Variants in MYH15 observed in about 807,000 individuals in gnomAD.
MYH15 encodes myosin-15.
In MYH15, 227 loss-of-function variants were observed where a neutral mutation model predicts 240.5. That is an observed-to-expected ratio of 0.94 (90% confidence interval 0.85 to 1.05). The LOEUF (loss-of-function observed/expected upper bound fraction) is 1.05. Ranked by LOEUF, MYH15 falls within the 50% of genes least tolerant of loss-of-function variation. MYH15 has a pLI of 0.00. For missense variants in MYH15, 2,217 were observed against 2,247.5 expected (o/e 0.99, Z 0.27); for synonymous variants, 785 against 796.7 (o/e 0.99, Z 0.25).
At chr3:108,526,240 GA>G (rs1310917710) in intron 1 of MYH15, among the ~76,000 whole-genome samples, 1 of 152,136 alleles carries the variant, frequency 6.6e-6, no homozygotes, top group African/African-American at 2.4e-5. Context: ...ACATTAAAAT[GA>G]CAACTTATGC....
At chr3:108,509,444 T>A (rs1165681897) in intron 1 of MYH15, among the ~76,000 whole-genome samples, 1 of 152,210 alleles carries the variant, frequency 6.6e-6, no homozygotes, top group Non-Finnish European at 1.5e-5. Flanking sequence ...GTTATCGTAT[T>A]TGATTTGATG....
intron 1 of MYH15, among the ~76,000 whole-genome samples, chr3:108,527,014 C>T (rs1559677834): frequency 6.6e-6 from 1 of 152,162 alleles, no homozygotes; most frequent in Non-Finnish European, 1.5e-5. Flanking sequence ...AAAAAGTTTT[C>T]TGCTTTCAGT....
intron 40 of MYH15, among the ~76,000 whole-genome samples, chr3:108,381,807 AGC>A (rs1182082732): frequency 3.3e-5 from 5 of 152,210 alleles, no homozygotes; most frequent in African/African-American, 7.2e-5. Flanking sequence ...CAATGAAGGC[AGC>A]GCCCCCCTTT....
Position 108,486,414 on chromosome 3 carries a change from A to T in MYH15, c.975+9T>A. On this transcript the variant is annotated intron_variant, in intron 10 of 40. Coordinates refer to ENST00000693548, the MANE Select transcript of MYH15 (RefSeq NM_014981.3). ...ACCAGATTTTGCTTTGACAACTAAC[A>T]AGCCTTACTTCTGTGGCCAGCAATT... 6.3e-7 allele frequency: 1 copy of T among 1,599,340 alleles called. No homozygotes were observed. Among genetic ancestry groups the T allele is most frequent in the Admixed American group, 1.7e-5 (1 of 59,814 alleles).
chr3:108,474,161 G>A (rs967286490), intron 12 of MYH15, among the ~76,000 whole-genome samples: 1 of 151,744 alleles, frequency 6.6e-6, no homozygotes, highest in African/African-American at 2.4e-5. Flanking sequence ...CATCAACAGA[G>A]CATACATGTC....
At position 108,493,095 on chromosome 3, in the gene MYH15, C is replaced by T. The variant is rs761371876; in HGVS notation, c.775+19G>A. 6.8e-6 allele frequency: 11 copies of T among 1,606,736 alleles called. No individual in the cohort carries two copies. Among genetic ancestry groups the T allele is most frequent in the Admixed American group, 1.7e-5 (1 of 59,900 alleles). On this transcript the variant is annotated intron_variant, in intron 8 of 40. Transcript: ENST00000693548. ...GGAAGAAAAGAAAAAAGTAATCAGA[C>T]AGTGCAATGACTACTTACAGATATC...
In MYH15 at chr3:108,414,430, T is replaced by C. The variant is rs200849354; in HGVS notation, c.3949-2A>G. The C allele has an allele frequency of 7.2e-5, 116 of 1,611,538 alleles. No homozygotes were observed. Among genetic ancestry groups the C allele is most frequent in the Non-Finnish European group, 8.9e-5 (105 of 1,178,616 alleles). On this transcript the variant is annotated splice_acceptor_variant, in intron 29 of 40. Transcript: ENST00000693548. LOFTEE classifies it high-confidence loss of function. Reference sequence around the variant, plus strand: ...GGCATGGGCCAGGGCACTCTGGGACTGTAGGGGACACACATTAACAAAAAG... The same window carrying C: ...GGCATGGGCCAGGGCACTCTGGGACCGTAGGGGACACACATTAACAAAAAG...
Position 108,405,441 on chromosome 3 carries a change from G to A in MYH15, c.4633C>T (p.Arg1545Cys), listed in dbSNP as rs200741935. Residue 1545 changes from arginine to cysteine, a missense_variant, in exon 33 of 41, where the codon CGT becomes TGT. Arg to Cys is a radical substitution (Grantham distance 180). Coordinates refer to ENST00000693548, the MANE Select transcript of MYH15 (RefSeq NM_014981.3). ...TLEETEGALE[R>C]NESKILHFQL... ...AAATGAAGAATCTTGCTTTCATTAC[G>A]TTCCAGGGCTCCCTGGAATACATAA... 8.1e-5 allele frequency: 123 copies of A among 1,511,514 alleles called. No homozygotes were observed. The highest frequency in any genetic ancestry group is 6.4e-4 in the East Asian group (28 of 43,446). 93.6% of individuals were successfully genotyped at this position (1,511,514 alleles called of 1,614,324 possible).
At chr3:108,406,676 C>G (rs191121167) in intron 32 of MYH15, among the ~76,000 whole-genome samples, 1 of 152,098 alleles carries the variant, frequency 6.6e-6, no homozygotes. Flanking sequence ...AAATAAATAA[C>G]GCAATGTTAC....
At chr3:108,478,177 T>G (rs2083236596) in intron 11 of MYH15, among the ~76,000 whole-genome samples, 1 of 152,156 alleles carries the variant, frequency 6.6e-6, no homozygotes, top group African/African-American at 2.4e-5. Context: ...GAGAGCTCTA[T>G]CTCGTCTGTA....
intron 32 of MYH15, among the ~76,000 whole-genome samples, chr3:108,407,688 C>T (rs181936752): frequency 1.6e-4 from 24 of 152,168 alleles, no homozygotes; most frequent in Admixed American, 9.8e-4. Context: ...CTGAAACTAC[C>T]GAAAGTTTTT....
intron 11 of MYH15, among the ~76,000 whole-genome samples, chr3:108,484,089 A>G (rs923907712): frequency 6.6e-5 from 10 of 152,212 alleles, no homozygotes; most frequent in Admixed American, 5.9e-4. Flanking sequence ...TGTATGTTAT[A>G]TATATTTTAT....
At chr3:108,532,693 T>A (rs1205997585), upstream of MYH15, among the ~76,000 whole-genome samples, 1 of 152,186 alleles carries the variant, frequency 6.6e-6, no homozygotes, top group African/African-American at 2.4e-5. Flanking sequence ...GACTAATATG[T>A]CATCTTAGAA....
chr3:108,417,086 G>A (rs562298509), intron 28 of MYH15, among the ~76,000 whole-genome samples, 156 bp from the exon 29 acceptor site: 11 of 152,248 alleles, frequency 7.2e-5, no homozygotes, highest in South Asian at 2.1e-4. Flanking sequence ...CAGCAAAACC[G>A]TGGCAATGAT....
chr3:108,456,459 T>C (rs944565735), intron 19 of MYH15, among the ~76,000 whole-genome samples: 3 of 152,194 alleles, frequency 2.0e-5, no homozygotes, highest in African/African-American at 7.2e-5. Flanking sequence ...CAGCTACGAT[T>C]AAGTATACAC....
chr3:108,505,824 T>C lies in MYH15; in HGVS notation c.94A>G (p.Lys32Glu). ...LLQATALDGK[K>E]KCWIPDGENA... Reference sequence around the variant, plus strand: ...TCACCATCAGGAATCCAGCATTTCTTCTTCCCTGTAGAGCAAAAAAAAAAA... The same window carrying C: ...TCACCATCAGGAATCCAGCATTTCTCCTTCCCTGTAGAGCAAAAAAAAAAA... Residue 32 changes from lysine to glutamate, a missense_variant, in exon 2 of 41, where the codon AAG becomes GAG. Physicochemically the swap from Lys to Glu is moderately conservative, Grantham distance 56. Transcript: ENST00000693548. 1 of 1,604,584 alleles carries C rather than the reference T, an allele frequency of 6.2e-7. No individual in the cohort carries two copies. The highest frequency in any genetic ancestry group is 8.5e-7 in the Non-Finnish European group (1 of 1,175,792).
rs766477573 is a variant in MYH15, at chr3:108,439,810, T to C, written c.3002A>G (p.Asp1001Gly). Residue 1001 changes from aspartate (D) to glycine (G), a missense_variant, in exon 24 of 41, where the codon GAC becomes GGC. Transcript: ENST00000693548. Reference sequence around the variant, plus strand: ...GAGCTTCTCCTCCTCCATGTGCAGGTCATCCAGGGTCTGCTGATGGGCCTC... The same window carrying C: ...GAGCTTCTCCTCCTCCATGTGCAGGCCATCCAGGGTCTGCTGATGGGCCTC... ...VQEAHQQTLDDLHMEEEKLSS... is the reference protein window; with the variant it reads ...VQEAHQQTLDGLHMEEEKLSS... 1 of 1,613,376 alleles carries C rather than the reference T, an allele frequency of 6.2e-7. No homozygotes were observed. Among genetic ancestry groups the C allele is most frequent in the South Asian group, 1.1e-5 (1 of 90,944 alleles).
chr3:108,396,340 AG>A (rs1191052350), intron 35 of MYH15, among the ~76,000 whole-genome samples: 1 of 151,304 alleles, frequency 6.6e-6, no homozygotes, highest in African/African-American at 2.4e-5. Context: ...ACCAGGTAGC[AG>A]GGTTGGGGGG....
chr3:108,492,741 G>T (rs1398891353), intron 8 of MYH15, 146 bp from the exon 9 acceptor site: 2 of 611,100 alleles, frequency 3.3e-6, no homozygotes, highest in Admixed American at 5.7e-5. Context: ...GAGGCCAGGA[G>T]TTTGAAAACA....
Sources: allele counts gnomAD v4.1 joint callset (sites outside exome capture counted in the v4.1 genomes callset), GRCh38; gene constraint gnomAD v4.1.1; transcripts MANE v1.5; gene names NCBI Gene and HGNC (gene_info 2026-07-23, HGNC 2026-07-21).